CRACDL: variants seen among roughly 807,000 people sequenced by gnomAD.
CRACDL encodes the protein CRACD-like protein.
CRACDL carries 26 observed loss-of-function variants against 70.6 expected under a neutral mutation model. The ratio of observed to expected loss-of-function variants is 0.37; its 90% confidence interval spans 0.27 to 0.51. The LOEUF is 0.51. CRACDL is among the 20% of genes least tolerant of loss of function. CRACDL has a pLI of 0.94. For synonymous variants in CRACDL, 618 were observed against 615.2 expected, an observed-to-expected ratio of 1.00 and a Z score of -0.07; for missense variants, 1,283 against 1,376.9, an observed-to-expected ratio of 0.93 and a Z score of 1.08.
chr2:98,909,007 G>A (rs973728514), intron 1 of CRACDL, among the ~76,000 whole-genome samples: 4 of 152,210 alleles, frequency 2.6e-5, no homozygotes, highest in Non-Finnish European at 4.4e-5. Context: ...CCAGCCCCGT[G>A]TTTAAAAGCT....
rs1402288140 is a variant in CRACDL at position 98,825,183 on chromosome 2, C to A, written c.736-1646G>T. Among the ~76,000 whole-genome samples the A allele has an allele frequency of 3.9e-5, 6 of 152,178 alleles. No individual in the cohort carries two copies. In the East Asian group the frequency reaches 9.7e-4, roughly 24 times the overall value. ...TGCTATGGACACTGAAGGACAGAGG[C>A]CCCCGGCATCATAGGTTCCACAACA... On this transcript the variant is annotated intron_variant, in intron 6 of 9. Coordinates refer to ENST00000397899, the MANE Select transcript of CRACDL (RefSeq NM_207362.3).
At chr2:98,867,430 C>T (rs779138433) in intron 1 of CRACDL, among the ~76,000 whole-genome samples, 1 of 152,122 alleles carries the variant, frequency 6.6e-6, no homozygotes, top group Non-Finnish European at 1.5e-5. Context: ...TCTTAGACTG[C>T]AAAGCATGAC....
chr2:98,898,526 C>T (rs1240060027), intron 1 of CRACDL, among the ~76,000 whole-genome samples: 2 of 152,218 alleles, frequency 1.3e-5, no homozygotes, highest in African/African-American at 2.4e-5. Context: ...TGAGCATGCT[C>T]GGGGCCAGGG....
At chr2:98,811,260 C>T (rs1704544437) in intron 7 of CRACDL, among the ~76,000 whole-genome samples, 1 of 151,434 alleles carries the variant, frequency 6.6e-6, no homozygotes, top group Admixed American at 6.6e-5. Flanking sequence ...GCCTGCAATC[C>T]CAGCACTTTG....
Position 98,823,313 on chromosome 2 carries a change from G to C in CRACDL, c.960C>G (p.Ala320=), listed in dbSNP as rs892527485. 6 of 1,448,270 alleles carry C rather than the reference G, an allele frequency of 4.1e-6. No individual in the cohort carries two copies. The highest frequency in any genetic ancestry group is 5.4e-6 in the Non-Finnish European group (6 of 1,112,236). 89.7% of individuals were successfully genotyped at this position (1,448,270 alleles called of 1,614,324 possible). A position where few individuals can be genotyped will look rare whatever the true frequency, so the allele number is the denominator to read the frequency against. ...ARLQHSSALT[A]SVEEGGVPGE... ...CGGGGACGCCCCCCTCCTCCACGCT[G>C]GCCGTGAGCGCGGAGGAGTGCTGCA... The change falls in exon 7 of 10, where the codon GCC becomes GCG. Residue 320 remains alanine (A), a synonymous_variant. Coordinates refer to ENST00000397899, the MANE Select transcript of CRACDL (RefSeq NM_207362.3). This position sits in a 1 kb window ranked among gnomAD's most constrained non-coding sequence, Gnocchi z 4.0.
chr2:98,910,259 C>A (rs973535025), intron 1 of CRACDL, among the ~76,000 whole-genome samples: 2 of 152,162 alleles, frequency 1.3e-5, no homozygotes, highest in Non-Finnish European at 1.5e-5. Flanking sequence ...GTGGCTCACA[C>A]CTGTAATCCC....
chr2:98,846,583 G>T (rs1223200933), intron 2 of CRACDL, 148 bp downstream of exon 2: 2 of 629,140 alleles, frequency 3.2e-6, no homozygotes, highest in Non-Finnish European at 5.7e-6. Flanking sequence ...CAGTCACAGC[G>T]TGAAGGGCCT....
intron 1 of CRACDL, among the ~76,000 whole-genome samples, chr2:98,851,722 G>A (rs1706490281): frequency 6.6e-6 from 1 of 152,150 alleles, no homozygotes; most frequent in Admixed American, 6.5e-5. Context: ...TGCCAACATA[G>A]ATTCTAAACT....
intron 1 of CRACDL, among the ~76,000 whole-genome samples, chr2:98,884,253 C>T (rs1302467762): frequency 1.3e-5 from 2 of 152,222 alleles, no homozygotes; most frequent in Non-Finnish European, 2.9e-5. Flanking sequence ...CCTACACTGG[C>T]CAAATAACTC....
Position 98,822,495 on chromosome 2 carries a change from C to T in CRACDL, c.1778G>A (p.Arg593Gln). ...CGCGAGGGGCAGGCGGCCGCTGGCC[C>T]GTTCCAGCGGGCGGGAGACGCCCGG... ...PRPGVSRPLE[R>Q]ASGRLPLARS... The change falls in exon 7 of 10, where the codon CGG becomes CAG. Residue 593 changes from arginine (R) to glutamine (Q), a missense_variant. Physicochemically the swap from Arg to Gln is conservative, Grantham distance 43 (BLOSUM62 1). Coordinates refer to ENST00000397899, the MANE Select transcript of CRACDL (RefSeq NM_207362.3). This position sits in a 1 kb window ranked among gnomAD's most constrained non-coding sequence, Gnocchi z 4.9. 7.5e-6 allele frequency: 11 copies of T among 1,460,660 alleles called. No homozygotes were observed. Among genetic ancestry groups the T allele is most frequent in the Non-Finnish European group, 9.9e-6 (11 of 1,115,462 alleles). 90.5% of individuals were successfully genotyped at this position (1,460,660 alleles called of 1,614,324 possible).
intron 7 of CRACDL, among the ~76,000 whole-genome samples, chr2:98,810,423 C>T (rs1468752368): frequency 6.6e-6 from 1 of 152,092 alleles, no homozygotes; most frequent in Non-Finnish European, 1.5e-5. Context: ...AGGAAAGCTC[C>T]ATGGTTCCAC....
intron 1 of CRACDL, among the ~76,000 whole-genome samples, chr2:98,898,998 A>G (rs554652390): frequency 2.0e-5 from 3 of 152,324 alleles, no homozygotes; most frequent in Non-Finnish European, 4.4e-5. Flanking sequence ...ATCCCCAGTG[A>G]TAGTTCATGG....
chr2:98,887,323 T>A (rs922175554), intron 1 of CRACDL, among the ~76,000 whole-genome samples: 3 of 151,246 alleles, frequency 2.0e-5, no homozygotes, highest in African/African-American at 7.3e-5. Context: ...TATCTCTATT[T>A]AAAAAAAAAT....
chr2:98,933,184 C>T (rs1225246251), intron 1 of CRACDL, among the ~76,000 whole-genome samples: 1 of 152,080 alleles, frequency 6.6e-6, no homozygotes, highest in Non-Finnish European at 1.5e-5. Context: ...ACCAGCTGGA[C>T]AATGATGGAA....
intron 1 of CRACDL, among the ~76,000 whole-genome samples, chr2:98,925,925 A>C (rs1173581244): frequency 6.6e-6 from 1 of 152,122 alleles, no homozygotes; most frequent in Non-Finnish European, 1.5e-5. Context: ...TTTAAATCAC[A>C]ATATGGGGTG....
intron 1 of CRACDL, among the ~76,000 whole-genome samples, chr2:98,887,628 T>C (rs994907888): frequency 1.3e-5 from 2 of 151,832 alleles, no homozygotes; most frequent in African/African-American, 2.4e-5. Flanking sequence ...CTTCCAAAAT[T>C]TGAGGAAAAC....
chr2:98,922,353 T>A (rs1708823562), intron 1 of CRACDL, among the ~76,000 whole-genome samples: 1 of 147,070 alleles, frequency 6.8e-6, no homozygotes, highest in African/African-American at 2.5e-5. Context: ...GGCAGGGGAA[T>A]CGCTTGAACC....
intron 1 of CRACDL, among the ~76,000 whole-genome samples, chr2:98,879,267 A>T (rs538183525): frequency 6.6e-6 from 1 of 152,332 alleles, no homozygotes; most frequent in South Asian, 2.1e-4. Context: ...TGCCTCAGAT[A>T]CCAAACCTGC....
chr2:98,808,754 A>G (rs572619748), intron 7 of CRACDL, among the ~76,000 whole-genome samples: 1 of 152,328 alleles, frequency 6.6e-6, no homozygotes, highest in South Asian at 2.1e-4. Flanking sequence ...CTCTTCTTCA[A>G]ACCTATTTCT....
Sources: allele counts gnomAD v4.1 joint callset (sites outside exome capture counted in the v4.1 genomes callset), GRCh38; gene constraint gnomAD v4.1.1; non-coding constraint Gnocchi (gnomAD v3.1); transcripts MANE v1.5; gene names NCBI Gene and HGNC (gene_info 2026-07-23, HGNC 2026-07-21).